C12orf75: variants seen among roughly 807,000 people sequenced by gnomAD.
C12orf75 encodes the protein overexpressed in colon carcinoma 1 protein.
A neutral mutation model predicts 11.4 loss-of-function variants in C12orf75; 4 were observed. The ratio of observed to expected loss-of-function variants is 0.35; its 90% CI spans 0.17 to 0.80. The LOEUF (loss-of-function observed/expected upper bound fraction) is 0.80, where lower values mean the gene tolerates loss of function less well. Among genes scored for constraint, C12orf75 ranks in the 30% least tolerant of loss-of-function variants. C12orf75 has a pLI of 0.52. For missense variants in C12orf75, 89 were observed against 80.4 expected, an observed-to-expected ratio of 1.11 and a Z score of -0.41; for synonymous variants, 30 against 30.0, an observed-to-expected ratio of 1.00 and a Z score of 0.00.
intron 2 of C12orf75, among the ~76,000 whole-genome samples, chr12:105,362,371 C>T (rs527456691): frequency 1.8e-3 from 181 of 100,010 alleles, no homozygotes; most frequent in Non-Finnish European, 2.6e-3. Flanking sequence ...GGCGACAGAG[C>T]GAGACTCCGT....
chr12:105,352,455 AC>A (rs1186735625), intron 2 of C12orf75, among the ~76,000 whole-genome samples: 1 of 152,226 alleles, frequency 6.6e-6, no homozygotes, highest in Non-Finnish European at 1.5e-5. Flanking sequence ...TTTGGAAAGT[AC>A]AGGAAAGTAT....
At chr12:105,364,217 T>C (rs1213497144) in intron 2 of C12orf75, among the ~76,000 whole-genome samples, 1 of 152,234 alleles carries the variant, frequency 6.6e-6, no homozygotes, top group Non-Finnish European at 1.5e-5. Context: ...TTCTCCATTA[T>C]CTATGCTAAA....
intron 2 of C12orf75, among the ~76,000 whole-genome samples, chr12:105,356,675 T>C (rs1892786145): frequency 6.6e-6 from 1 of 152,182 alleles, no homozygotes; most frequent in African/African-American, 2.4e-5. Context: ...ATTTGTCATC[T>C]GTATTTGTCC....
intron 2 of C12orf75, among the ~76,000 whole-genome samples, chr12:105,365,165 C>A (rs1025286876): frequency 3.3e-5 from 5 of 152,122 alleles, no homozygotes; most frequent in Non-Finnish European, 7.4e-5. Context: ...AGGAGAGAAG[C>A]TGTGCATTTT....
chr12:105,368,396 T>C (rs1871538381), intron 5 of C12orf75, among the ~76,000 whole-genome samples: 1 of 152,236 alleles, frequency 6.6e-6, no homozygotes, highest in African/African-American at 2.4e-5. Context: ...GCCTTGGTTA[T>C]GAATTCAGGC....
intron 2 of C12orf75, among the ~76,000 whole-genome samples, chr12:105,353,321 A>G (rs566262730): frequency 2.6e-5 from 4 of 152,322 alleles, no homozygotes; most frequent in South Asian, 2.1e-4. Flanking sequence ...ATTCCTGTGG[A>G]AAAAAGCAGC....
chr12:105,340,152 G>A (rs549137539), intron 1 of C12orf75, among the ~76,000 whole-genome samples: 18 of 152,114 alleles, frequency 1.2e-4, no homozygotes, highest in South Asian at 4.2e-4. Flanking sequence ...CAGGTGGGGC[G>A]TGGTGGCTCA....
At chr12:105,349,362 A>G (rs1396428646) in intron 2 of C12orf75, among the ~76,000 whole-genome samples, 1 of 152,226 alleles carries the variant, frequency 6.6e-6, no homozygotes, top group Non-Finnish European at 1.5e-5. Flanking sequence ...GGAAAGATGT[A>G]TTGCTCACAT....
At position 105,337,052 on chromosome 12, in the gene C12orf75, G is replaced by A. The variant is rs142247915; in HGVS notation, c.46+6115G>A. On this transcript the variant is annotated intron_variant, in intron 1 of 5. Coordinates refer to ENST00000443585, the MANE Select transcript of C12orf75 (RefSeq NM_001145199.2). Reference sequence around the variant, plus strand: ...AACAAAACCAGCACGGGCCGGGCACGGTGGCTCACACCTGTAATCCCAGCA... The same window carrying A: ...AACAAAACCAGCACGGGCCGGGCACAGTGGCTCACACCTGTAATCCCAGCA... Among the ~76,000 whole-genome samples, 47 of 152,246 alleles carry A rather than the reference G, an allele frequency of 3.1e-4. No homozygotes were observed. In the East Asian group the frequency reaches 8.1e-3, roughly 26 times the overall value.
rs553198368 is a variant in C12orf75, at chr12:105,357,173, T to A, written c.71+8547T>A. Among the ~76,000 whole-genome samples, 45 of 152,272 alleles carry A rather than the reference T, an allele frequency of 3.0e-4. No homozygotes were observed. The East Asian group carries it at 6.8e-3, about 23-fold the overall frequency. On this transcript the variant is annotated intron_variant, in intron 2 of 5. Coordinates refer to ENST00000443585, the MANE Select transcript of C12orf75 (RefSeq NM_001145199.2). ...CCCTAGTATAAAACAGAAGGATGCA[T>A]AACTACCTAGAGAATCTGGATCAGC... is the stretch of plus-strand genomic sequence containing the variant.
chr12:105,370,797 T>C lies in C12orf75; in HGVS notation c.*197T>C, dbSNP rs146323149. ...ATATTGTTGTGGTAATAGAAGGGAA[T>C]TGGTTAAACAGTACACTTGTTTATG... On this transcript the variant is annotated 3_prime_UTR_variant, in exon 6 of 6. Transcript: ENST00000443585. The C allele has an allele frequency of 2.7e-4, 123 of 449,182 alleles. 1 individual carries two copies. In the East Asian group the frequency reaches 7.4e-3, roughly 27 times the overall value. 27.8% of individuals were successfully genotyped at this position (449,182 alleles called of 1,614,324 possible). A position where few individuals can be genotyped will look rare whatever the true frequency, so the allele number is the denominator to read the frequency against.
intron 1 of C12orf75, among the ~76,000 whole-genome samples, chr12:105,341,929 T>C (rs1181599522): frequency 6.6e-6 from 1 of 152,218 alleles, no homozygotes; most frequent in African/African-American, 2.4e-5. Context: ...CTGCACAAGC[T>C]CTCTTGCCTG....
intron 2 of C12orf75, among the ~76,000 whole-genome samples, chr12:105,351,820 G>A (rs906243728): frequency 6.6e-6 from 1 of 152,146 alleles, no homozygotes; most frequent in Non-Finnish European, 1.5e-5. Flanking sequence ...GCTTGTGAAG[G>A]GCCTTGGGTG....
intron 1 of C12orf75, among the ~76,000 whole-genome samples, chr12:105,343,832 A>T (rs914431070): frequency 6.6e-6 from 1 of 151,954 alleles, no homozygotes; most frequent in Non-Finnish European, 1.5e-5. Context: ...ACATTTTCCT[A>T]TTAAAAAATG....
chr12:105,346,918 G>A (rs1016386088), intron 1 of C12orf75, among the ~76,000 whole-genome samples: 5 of 152,070 alleles, frequency 3.3e-5, no homozygotes, highest in Non-Finnish European at 7.4e-5. Flanking sequence ...TAAGTGTGAC[G>A]TCTAATAATA....
intron 1 of C12orf75, among the ~76,000 whole-genome samples, chr12:105,345,659 C>T (rs1325397503): frequency 4.1e-5 from 3 of 73,492 alleles, no homozygotes; most frequent in Admixed American, 2.3e-4. Context: ...AGTGTCTGGC[C>T]TTTTTTTTTT....
chr12:105,361,052 A>C (rs2136150148), intron 2 of C12orf75, among the ~76,000 whole-genome samples: 1 of 152,240 alleles, frequency 6.6e-6, no homozygotes, highest in African/African-American at 2.4e-5. Flanking sequence ...TTGGGATTAA[A>C]GGTGTGAGCC....
At chr12:105,357,634 G>A (rs1342021692) in intron 2 of C12orf75, among the ~76,000 whole-genome samples, 1 of 152,140 alleles carries the variant, frequency 6.6e-6, no homozygotes, top group Non-Finnish European at 1.5e-5. Context: ...GTGACCTTAG[G>A]CTAGGAGATG....
chr12:105,350,329 G>A (rs1241960348), intron 2 of C12orf75, among the ~76,000 whole-genome samples: 1 of 152,190 alleles, frequency 6.6e-6, no homozygotes, highest in African/African-American at 2.4e-5. Flanking sequence ...CGCATGGCGT[G>A]GGAGGAGATG....
Sources: gnomAD v4.1 joint callset for allele counts (sites outside exome capture counted in the v4.1 genomes callset) on GRCh38, gnomAD v4.1.1 for gene constraint, MANE v1.5 for transcripts, NCBI Gene and HGNC (gene_info 2026-07-23, HGNC 2026-07-21) for gene names.